RBMS3: variants seen among roughly 807,000 people sequenced by gnomAD.
The protein encoded by RBMS3 is RNA-binding motif, single-stranded-interacting protein 3.
In RBMS3, 27 loss-of-function variants were observed where a neutral mutation model predicts 66.8. The ratio of observed to expected loss-of-function variants is 0.40; its 90% confidence interval spans 0.30 to 0.56. The LOEUF (loss-of-function observed/expected upper bound fraction) is 0.56, where lower values mean the gene tolerates loss of function less well. Ranked by LOEUF, RBMS3 falls within the 20% of genes least tolerant of loss-of-function variation. The pLI is 0.40. For synonymous variants in RBMS3, 188 were observed against 183.0 expected (o/e 1.03, Z -0.22); for missense variants, 513 against 549.5 (o/e 0.93, Z 0.66).
At chr3:29,436,110 C>T (rs1418168827) in intron 2 of RBMS3, among the ~76,000 whole-genome samples, 1 of 152,018 alleles carries the variant, frequency 6.6e-6, no homozygotes, top group Non-Finnish European at 1.5e-5. Context: ...AAAACTATTA[C>T]TCAATTGTTA....
At position 29,283,647 on chromosome 3, in the gene RBMS3, G is replaced by A. The variant is rs145152301; in HGVS notation, c.75+1891G>A. ...AGCTAGCCAACACCTTGAACTTCTG[G>A]AACATTTTTAAAGAAGTTAGATCCA... is the stretch of plus-strand genomic sequence containing the variant. On this transcript the variant is annotated intron_variant, in intron 1 of 14. Transcript: ENST00000383767. Among the ~76,000 whole-genome samples the A allele has an allele frequency of 1.5e-3, 232 of 152,244 alleles. 2 individuals carry two copies. The highest frequency in any genetic ancestry group is 5.2e-3 in the African/African-American group (215 of 41,562).
intron 4 of RBMS3, among the ~76,000 whole-genome samples, chr3:29,728,512 C>T (rs1334084150): frequency 6.6e-6 from 1 of 152,180 alleles, no homozygotes; most frequent in Non-Finnish European, 1.5e-5. Context: ...TGCTGTTTCT[C>T]TACCAAAGTC....
chr3:29,665,868 G>C (rs937201992), intron 4 of RBMS3, among the ~76,000 whole-genome samples: 2 of 152,086 alleles, frequency 1.3e-5, no homozygotes, highest in Non-Finnish European at 2.9e-5. Context: ...TTAAATACCA[G>C]TTCCATTATC....
chr3:29,570,553 A>G (rs2046916760), intron 3 of RBMS3, among the ~76,000 whole-genome samples: 1 of 152,130 alleles, frequency 6.6e-6, no homozygotes, highest in Non-Finnish European at 1.5e-5. Flanking sequence ...TTTATATCCA[A>G]CAAATAAGTG....
chr3:29,796,186 A>G (rs768245160), intron 6 of RBMS3, among the ~76,000 whole-genome samples: 12 of 152,196 alleles, frequency 7.9e-5, no homozygotes, highest in Non-Finnish European at 1.3e-4. Flanking sequence ...AAAAACATGT[A>G]TATTGGGCTT....
intron 10 of RBMS3, among the ~76,000 whole-genome samples, chr3:29,917,680 A>C (rs1442259911): frequency 6.6e-6 from 1 of 151,896 alleles, no homozygotes; most frequent in African/African-American, 2.4e-5. Context: ...ACAACCGTCA[A>C]CTCCCACTAA....
At chr3:29,406,422 C>A (rs987044573) in intron 1 of RBMS3, among the ~76,000 whole-genome samples, 4 of 152,000 alleles carry the variant, frequency 2.6e-5, no homozygotes, top group African/African-American at 9.7e-5. Flanking sequence ...TGACACAGAG[C>A]AATTCATTTA....
chr3:29,754,660 TCAAAGCTTGAAGATGGCCACC>T (rs1468597020), intron 5 of RBMS3, among the ~76,000 whole-genome samples: 1 of 152,158 alleles, frequency 6.6e-6, no homozygotes, highest in East Asian at 1.9e-4. Flanking sequence ...TTATATGAGC[TCAAAGCTTGAAGATGGCCACC>T]CAGGAGCCTA....
chr3:29,675,244 T>A (rs568511494), intron 4 of RBMS3, among the ~76,000 whole-genome samples: 2 of 152,286 alleles, frequency 1.3e-5, no homozygotes, highest in East Asian at 3.9e-4. Flanking sequence ...TGAAACTGGA[T>A]CCCTTCCTTA....
intron 3 of RBMS3, among the ~76,000 whole-genome samples, chr3:29,515,415 T>A (rs528487930): frequency 1.3e-5 from 2 of 152,216 alleles, no homozygotes; most frequent in East Asian, 3.9e-4. Context: ...GAGCTTGTTA[T>A]AAAGGCAATG....
At chr3:29,980,717 A>G (rs1043763569) in intron 12 of RBMS3, among the ~76,000 whole-genome samples, 2 of 152,062 alleles carry the variant, frequency 1.3e-5, no homozygotes, top group Non-Finnish European at 1.5e-5. Flanking sequence ...TGTTTTTGTC[A>G]GGTTTGTCGA....
intron 8 of RBMS3, among the ~76,000 whole-genome samples, chr3:29,892,839 G>GTATTTATTTATT (rs1171979340): frequency 0.014 from 1,231 of 86,606 alleles, 15 homozygotes; most frequent in African/African-American, 0.058. Flanking sequence ...ATGTATGTAT[G>GTATTTATTTATT]TATGTATTTA....
intron 10 of RBMS3, among the ~76,000 whole-genome samples, chr3:29,909,107 A>G (rs2060456359): frequency 6.6e-6 from 1 of 151,976 alleles, no homozygotes. Flanking sequence ...CTACGGGGGG[A>G]GCAAATAGCC....
chr3:29,718,013 A>C (rs1043427253), intron 4 of RBMS3, among the ~76,000 whole-genome samples: 1 of 152,180 alleles, frequency 6.6e-6, no homozygotes, highest in African/African-American at 2.4e-5. Flanking sequence ...GGACAATCAT[A>C]AATGACATTT....
intron 6 of RBMS3, among the ~76,000 whole-genome samples, chr3:29,833,413 G>C (rs1049443017): frequency 6.6e-6 from 1 of 151,830 alleles, no homozygotes; most frequent in African/African-American, 2.4e-5. Context: ...TGTGCTACAA[G>C]AAAACACAGA....
chr3:29,388,504 A>T (rs1447739465), intron 1 of RBMS3, among the ~76,000 whole-genome samples: 5 of 152,210 alleles, frequency 3.3e-5, no homozygotes, highest in Non-Finnish European at 2.9e-5. Flanking sequence ...AAACACTGTA[A>T]TTAGAGAGTT....
intron 2 of RBMS3, among the ~76,000 whole-genome samples, chr3:29,454,368 G>C (rs984567195): frequency 6.6e-6 from 1 of 152,204 alleles, no homozygotes; most frequent in Non-Finnish European, 1.5e-5. Context: ...CACAGACACC[G>C]TAATACTGTT....
chr3:29,469,317 G>T (rs78209623), intron 2 of RBMS3, among the ~76,000 whole-genome samples: 2,273 of 152,128 alleles, frequency 0.015, 52 homozygotes, highest in African/African-American at 0.052. Flanking sequence ...AATGTGTTCT[G>T]CATGCTTCAA....
chr3:29,466,742 A>G (rs1431228395), intron 2 of RBMS3, among the ~76,000 whole-genome samples: 3 of 152,210 alleles, frequency 2.0e-5, no homozygotes, highest in African/African-American at 7.2e-5. Context: ...AGCTCAACAC[A>G]ATAACAAATT....
Sources: gnomAD v4.1 joint callset for allele counts (sites outside exome capture counted in the v4.1 genomes callset) on GRCh38, gnomAD v4.1.1 for gene constraint, MANE v1.5 for transcripts, NCBI Gene and HGNC (gene_info 2026-07-23, HGNC 2026-07-21) for gene names.